Variants in PCDHGA1 observed in about 807,000 individuals in gnomAD.
The protein encoded by PCDHGA1 is protocadherin gamma subfamily A, 1, also known as protocadherin gamma-A1.
Under a neutral mutation model 58.0 loss-of-function variants are expected in PCDHGA1, and 32 were observed. The observed-to-expected ratio is 0.55, with a 90% CI of 0.42 to 0.74. The LOEUF (loss-of-function observed/expected upper bound fraction) is 0.74. Among genes scored for constraint, PCDHGA1 ranks in the 30% least tolerant of loss-of-function variants. The pLI, the probability that PCDHGA1 is intolerant of heterozygous loss-of-function variation, is 0.00. For synonymous variants in PCDHGA1, 498 were observed against 501.1 expected (o/e 0.99, Z 0.08); for missense variants, 1,205 against 1,182.3 (o/e 1.02, Z -0.28).
In PCDHGA1 at chr5:141,491,638, G is replaced by A. The variant is rs2099723160; in HGVS notation, c.2422-3169G>A. The A allele has an allele frequency of 6.2e-7, 1 of 1,613,898 alleles. No individual in the cohort carries two copies. The highest frequency in any genetic ancestry group is 1.3e-5 in the African/African-American group (1 of 75,074). ...ACCCCTCAGCGTTCAGCAGCCCACA[G>A]CTCTGGCGCTGGAGCCTGACGCCAT... On this transcript the variant is annotated intron_variant, in intron 1 of 3. Coordinates refer to ENST00000517417, the MANE Select transcript of PCDHGA1 (RefSeq NM_018912.3). The surrounding 1 kb of genome is among the most constrained non-coding windows in gnomAD (Gnocchi z 6.9).
intron 1 of PCDHGA1, chr5:141,346,208 G>A (rs756507619): frequency 1.2e-5 from 19 of 1,614,154 alleles, no homozygotes; most frequent in Admixed American, 1.7e-5. Context: ...CACGCCTGCT[G>A]CAGGCTTCGG....
chr5:141,460,822 C>A (rs2098998601), intron 1 of PCDHGA1, among the ~76,000 whole-genome samples: 2 of 151,502 alleles, frequency 1.3e-5, no homozygotes, highest in South Asian at 4.1e-4. Context: ...TACATATATA[C>A]ACACTTAAAG....
intron 1 of PCDHGA1, chr5:141,362,167 C>T: frequency 6.2e-7 from 1 of 1,614,044 alleles, no homozygotes; most frequent in Non-Finnish European, 8.5e-7. Flanking sequence ...CCTCAGCGAC[C>T]GCCGGGAGCC....
intron 1 of PCDHGA1, chr5:141,383,873 C>A: frequency 6.2e-7 from 1 of 1,613,928 alleles, no homozygotes; most frequent in Non-Finnish European, 8.5e-7. Flanking sequence ...CAAGATGGTC[C>A]TGGTAGTCTG....
In PCDHGA1 at chr5:141,332,505, C is replaced by T. The variant is rs747058419; in HGVS notation, c.1821C>T (p.Arg607=). The change falls in exon 1 of 4, where the codon CGC becomes CGT. Residue 607 remains arginine, a synonymous_variant. Coordinates refer to ENST00000517417, the MANE Select transcript of PCDHGA1 (RefSeq NM_018912.3). This position sits in a 1 kb window ranked among gnomAD's most constrained non-coding sequence, Gnocchi z 4.6. The part of the protein sequence containing the change: ...DSGQNAWLSY[R]LLKASEPGLF... The stretch of plus-strand genomic sequence containing the variant: ...GCCAGAACGCCTGGCTGTCCTACCG[C>T]CTGCTCAAGGCCAGCGAGCCGGGAC... 1.9e-6 allele frequency: 3 copies of T among 1,613,076 alleles called. No homozygotes were observed. Among genetic ancestry groups the T allele is most frequent in the South Asian group, 1.1e-5 (1 of 91,034 alleles).
intron 1 of PCDHGA1, among the ~76,000 whole-genome samples, chr5:141,465,824 T>A (rs1447359333): frequency 6.6e-6 from 1 of 152,076 alleles, no homozygotes; most frequent in Non-Finnish European, 1.5e-5. Context: ...ATCACATTTG[T>A]TTAAAATTTC....
chr5:141,475,300 T>C (rs1383092136), intron 1 of PCDHGA1, among the ~76,000 whole-genome samples: 3 of 152,332 alleles, frequency 2.0e-5, no homozygotes, highest in South Asian at 2.1e-4. Context: ...AATTTCTTAT[T>C]GCTCCCTGGT....
At chr5:141,494,363 T>C (rs1264801258) in intron 1 of PCDHGA1, among the ~76,000 whole-genome samples, 1 of 152,206 alleles carries the variant, frequency 6.6e-6, no homozygotes, top group Non-Finnish European at 1.5e-5. Context: ...CTGCAGAGGA[T>C]GCTTTGTTCC....
At chr5:141,469,373 G>A (rs532041259) in intron 1 of PCDHGA1, among the ~76,000 whole-genome samples, 3 of 151,992 alleles carry the variant, frequency 2.0e-5, no homozygotes, top group South Asian at 2.1e-4. Context: ...TAAAGAGATC[G>A]AGACCATCCT....
chr5:141,423,382 C>G, intron 1 of PCDHGA1: 1 of 1,614,118 alleles, frequency 6.2e-7, no homozygotes, highest in Non-Finnish European at 8.5e-7. Flanking sequence ...CAGGCTGTGG[C>G]GCTGGCATAA....
chr5:141,352,280 C>A (rs1207514166), intron 1 of PCDHGA1: 5 of 1,614,072 alleles, frequency 3.1e-6, no homozygotes, highest in Non-Finnish European at 4.2e-6. Flanking sequence ...CCTCAGCGAC[C>A]GCCCTGAGCC....
At chr5:141,346,244 C>T (rs375085778) in intron 1 of PCDHGA1, 25 of 1,614,098 alleles carry the variant, frequency 1.5e-5, no homozygotes, top group Non-Finnish European at 2.0e-5. Flanking sequence ...GTACGCCCGG[C>T]TCGCACTTTG....
chr5:141,410,645 A>G (rs755117096), intron 1 of PCDHGA1: 11 of 1,597,402 alleles, frequency 6.9e-6, no homozygotes, highest in Non-Finnish European at 9.3e-6. Flanking sequence ...TTTGTGTGTG[A>G]TTTATCTAAT....
In PCDHGA1 at chr5:141,381,826, C is replaced by CTTCTTTTT. The variant is rs1777532522; in HGVS notation, c.2421+48723_2421+48724insCTTTTTTT. 1.5e-3 allele frequency among the ~76,000 whole-genome samples: 109 copies of CTTCTTTTT among 74,300 alleles called. 1 individual carries two copies. Among genetic ancestry groups the CTTCTTTTT allele is most frequent in the African/African-American group, 6.4e-3 (104 of 16,204 alleles). 48.7% of individuals were successfully genotyped at this position (74,300 alleles called of 152,430 possible). On this transcript the variant is annotated intron_variant, in intron 1 of 3. Transcript: ENST00000517417. ...TTTCTTTCTTTCTTTCTTTCTTCTT[C>CTTCTTTTT]TTTTTTTTTTTTTTTTTTTTTTGGC...
intron 1 of PCDHGA1, chr5:141,422,014 C>T (rs1472942387): frequency 1.9e-6 from 3 of 1,610,040 alleles, no homozygotes; most frequent in African/African-American, 1.3e-5. Flanking sequence ...AACTCGGGTG[C>T]TGATGGTTAA....
chr5:141,390,321 C>A (rs776100029), intron 1 of PCDHGA1: 1 of 1,606,964 alleles, frequency 6.2e-7, no homozygotes, highest in Non-Finnish European at 8.5e-7. Context: ...TCATTGCCTA[C>A]CCATTTCTCC....
rs749517722 is a variant in PCDHGA1 at position 141,333,139 on chromosome 5, G to A, written c.2421+34G>A. 8.1e-6 allele frequency: 13 copies of A among 1,612,718 alleles called. No individual in the cohort carries two copies. The Admixed American group carries it at 2.2e-4, about 27-fold the overall frequency. ...TTGTGATGAATGTATCAGCTATCTA[G>A]AGAAAAATAATTCTTGATTTAACTT... On this transcript the variant is annotated intron_variant, in intron 1 of 3. Transcript: ENST00000517417.
chr5:141,425,943 C>A (rs2096904576), intron 1 of PCDHGA1, among the ~76,000 whole-genome samples: 1 of 152,220 alleles, frequency 6.6e-6, no homozygotes, highest in Non-Finnish European at 1.5e-5. Flanking sequence ...TGTCTAGTTT[C>A]CTATACATTA....
chr5:141,489,467 C>G lies in PCDHGA1; in HGVS notation c.2422-5340C>G. 1 of 1,614,076 alleles carries G rather than the reference C, an allele frequency of 6.2e-7. No individual in the cohort carries two copies. The highest frequency in any genetic ancestry group is 8.5e-7 in the Non-Finnish European group (1 of 1,180,026). Reference sequence around the variant, plus strand: ...TCTGAGGAGAATGGGCGCTATTTTTCCCTGAGCTTGATGAGTGGTGCCCTG... The same window carrying G: ...TCTGAGGAGAATGGGCGCTATTTTTGCCTGAGCTTGATGAGTGGTGCCCTG... On this transcript the variant is annotated intron_variant, in intron 1 of 3. Transcript: ENST00000517417. The surrounding 1 kb of genome is among the most constrained non-coding windows in gnomAD (Gnocchi z 4.5).
Sources: allele counts gnomAD v4.1 joint callset (sites outside exome capture counted in the v4.1 genomes callset), GRCh38; gene constraint gnomAD v4.1.1; non-coding constraint Gnocchi (gnomAD v3.1); transcripts MANE v1.5; gene names NCBI Gene and HGNC (gene_info 2026-07-23, HGNC 2026-07-21).